MACROD2: variants seen among roughly 807,000 people sequenced by gnomAD.
MACROD2 encodes mono-ADP ribosylhydrolase 2, also known as ADP-ribose glycohydrolase MACROD2.
A neutral mutation model predicts 70.4 loss-of-function variants in MACROD2; 36 were observed. The observed-to-expected ratio is 0.51, with a 90% CI of 0.39 to 0.68. The LOEUF (loss-of-function observed/expected upper bound fraction) is 0.68. Ranked by LOEUF, MACROD2 falls within the 30% of genes least tolerant of loss-of-function variation. The pLI, the probability that MACROD2 is intolerant of heterozygous loss-of-function variation, is 0.00. For synonymous variants in MACROD2, 172 were observed against 178.8 expected, an observed-to-expected ratio of 0.96 and a Z score of 0.30; for missense variants, 496 against 538.4, an observed-to-expected ratio of 0.92 and a Z score of 0.78.
intron 8 of MACROD2, among the ~76,000 whole-genome samples, chr20:15,515,553 T>C (rs2047555942): frequency 6.6e-6 from 1 of 152,246 alleles, no homozygotes; most frequent in Non-Finnish European, 1.5e-5. Flanking sequence ...GCTTTCCCAC[T>C]GACTCAAGGA....
chr20:15,140,950 T>A (rs1294387986), intron 5 of MACROD2, among the ~76,000 whole-genome samples: 1 of 152,236 alleles, frequency 6.6e-6, no homozygotes, highest in African/African-American at 2.4e-5. Context: ...TGACCAAATT[T>A]GTGTCCATGT....
intron 5 of MACROD2, among the ~76,000 whole-genome samples, chr20:14,786,200 AAGAT>A (rs1408305068): frequency 1.5e-5 from 1 of 66,254 alleles, no homozygotes; most frequent in East Asian, 3.3e-4. Context: ...CACTCAGAGA[AAGAT>A]AGAGAGAGAG....
chr20:14,968,074 T>A (rs1301367257), intron 5 of MACROD2, among the ~76,000 whole-genome samples: 2 of 152,196 alleles, frequency 1.3e-5, no homozygotes, highest in African/African-American at 4.8e-5. Context: ...AGGTAAGGTG[T>A]TTGCCATACA....
chr20:14,916,359 G>A (rs1490517321), intron 5 of MACROD2, among the ~76,000 whole-genome samples: 1 of 152,148 alleles, frequency 6.6e-6, no homozygotes, highest in African/African-American at 2.4e-5. Flanking sequence ...GTGAGGGTAG[G>A]GGTGGGGTTG....
intron 12 of MACROD2, among the ~76,000 whole-genome samples, chr20:15,946,660 G>A (rs537973053): frequency 6.6e-6 from 1 of 152,310 alleles, no homozygotes; most frequent in African/African-American, 2.4e-5. Flanking sequence ...TCTCCACAAA[G>A]CTCAATGCAG....
intron 5 of MACROD2, among the ~76,000 whole-genome samples, chr20:14,924,454 A>T (rs938414020): frequency 6.6e-6 from 1 of 152,012 alleles, no homozygotes; most frequent in Non-Finnish European, 1.5e-5. Flanking sequence ...ATAAAAATAA[A>T]AAATAAAAAA....
intron 8 of MACROD2, among the ~76,000 whole-genome samples, chr20:15,686,896 C>T (rs1290980186): frequency 2.1e-5 from 3 of 140,558 alleles, no homozygotes; most frequent in Admixed American, 7.1e-5. Context: ...AAAAAAAATA[C>T]AGTTTGTTGT....
At chr20:15,696,810 T>G (rs2050382750) in intron 8 of MACROD2, among the ~76,000 whole-genome samples, 2 of 151,520 alleles carry the variant, frequency 1.3e-5, no homozygotes, top group East Asian at 3.9e-4. Context: ...AATTTATCCA[T>G]CTCTTCTAGG....
chr20:14,664,571 G>A (rs1377240929), intron 4 of MACROD2, among the ~76,000 whole-genome samples: 3 of 152,032 alleles, frequency 2.0e-5, no homozygotes, highest in Admixed American at 6.6e-5. Context: ...CTGTAGAGCT[G>A]TAATACCTGA....
chr20:15,882,803 C>T (rs759149092), intron 9 of MACROD2, among the ~76,000 whole-genome samples: 1 of 151,860 alleles, frequency 6.6e-6, no homozygotes, highest in African/African-American at 2.4e-5. Flanking sequence ...GAATAATAAC[C>T]CCAAGCCTGA....
At chr20:14,222,387 A>G (rs1306113276) in intron 3 of MACROD2, among the ~76,000 whole-genome samples, 1 of 152,228 alleles carries the variant, frequency 6.6e-6, no homozygotes, top group Non-Finnish European at 1.5e-5. Context: ...ACTCAGACAC[A>G]GAAAGACAAA....
chr20:14,549,285 AT>A lies in MACROD2; in HGVS notation c.301+55778del, dbSNP rs1347186070. Among the ~76,000 whole-genome samples the A allele has an allele frequency of 2.6e-5, 4 of 152,298 alleles. No homozygotes were observed. In the East Asian group the frequency reaches 7.7e-4, roughly 29 times the overall value. ...TTACTTAAGAAGGTAGTTTCTTCATATGTTCTTTGACCCCTTTAACTGTTAA... is the reference window on the plus strand; with the variant it reads ...TTACTTAAGAAGGTAGTTTCTTCATAGTTCTTTGACCCCTTTAACTGTTAA... On this transcript the variant is annotated intron_variant, in intron 4 of 17. Transcript: ENST00000684519.
intron 3 of MACROD2, among the ~76,000 whole-genome samples, chr20:14,435,537 A>T (rs773513766): frequency 2.4e-4 from 37 of 152,086 alleles, no homozygotes; most frequent in Admixed American, 4.6e-4. Context: ...CCACTAATTA[A>T]TTTTTTAATT....
chr20:15,127,231 G>C (rs1045292399), intron 5 of MACROD2, among the ~76,000 whole-genome samples: 16 of 152,012 alleles, frequency 1.1e-4, no homozygotes, highest in Non-Finnish European at 7.4e-5. Flanking sequence ...CAGTAGAAGT[G>C]ACTGGTGCAA....
Position 15,544,135 on chromosome 20 carries a change from C to T in MACROD2, c.645+44288C>T, listed in dbSNP as rs17692704. On this transcript the variant is annotated intron_variant, in intron 8 of 17. Transcript: ENST00000684519. The stretch of plus-strand genomic sequence containing the variant: ...TGATCTACCTCAGCTTTAGAGTAAC[C>T]GATAGCCAAGGGGCCATCACCTCAC... 1.2e-3 allele frequency among the ~76,000 whole-genome samples: 189 copies of T among 152,182 alleles called. 1 individual carries two copies. The highest frequency in any genetic ancestry group is 2.1e-3 in the Non-Finnish European group (143 of 68,006).
chr20:15,603,845 CA>C (rs1239729639), intron 8 of MACROD2, among the ~76,000 whole-genome samples: 1 of 152,162 alleles, frequency 6.6e-6, no homozygotes, highest in Non-Finnish European at 1.5e-5. Flanking sequence ...AAGGTTTACC[CA>C]GGAATGTTTT....
At chr20:15,978,892 G>C (rs1008156160) in intron 13 of MACROD2, among the ~76,000 whole-genome samples, 2 of 152,144 alleles carry the variant, frequency 1.3e-5, no homozygotes, top group African/African-American at 4.8e-5. Flanking sequence ...AACGTCAGGA[G>C]TGATGGAAGA....
At chr20:14,642,184 C>T (rs183650207) in intron 4 of MACROD2, among the ~76,000 whole-genome samples, 3 of 152,320 alleles carry the variant, frequency 2.0e-5, no homozygotes, top group African/African-American at 7.2e-5. Flanking sequence ...CCAACCTCTG[C>T]TAGCTTCCAA....
rs559406932 is a variant in MACROD2 at position 14,471,119 on chromosome 20, C to T, written c.272-22360C>T. On this transcript the variant is annotated intron_variant, in intron 3 of 17. Transcript: ENST00000684519. ...CCATGGGAAAAGTGTAGTATCTGGGCGGGAATGCACTGTCCCTCAGGGCAC... is the reference window on the plus strand; with the variant it reads ...CCATGGGAAAAGTGTAGTATCTGGGTGGGAATGCACTGTCCCTCAGGGCAC... Among the ~76,000 whole-genome samples, 13 of 152,206 alleles carry T rather than the reference C, an allele frequency of 8.5e-5. No homozygotes were observed. In the East Asian group the frequency reaches 1.5e-3, roughly 18 times the overall value.
Sources: allele counts gnomAD v4.1 joint callset (sites outside exome capture counted in the v4.1 genomes callset), GRCh38; gene constraint gnomAD v4.1.1; transcripts MANE v1.5; gene names NCBI Gene and HGNC (gene_info 2026-07-23, HGNC 2026-07-21).